FRS2: variants seen among roughly 807,000 people sequenced by gnomAD.
The protein encoded by FRS2 is fibroblast growth factor receptor substrate 2, also known as FGFR signalling adaptor.
A neutral mutation model predicts 43.9 loss-of-function variants in FRS2; 8 were observed. The ratio of observed to expected loss-of-function variants is 0.18; its 90% CI spans 0.11 to 0.33. FRS2 has a LOEUF of 0.33. Ranked by LOEUF, FRS2 falls within the 10% of genes least tolerant of loss-of-function variation. The pLI, the probability that FRS2 is intolerant of heterozygous loss-of-function variation, is 1.00. For missense variants in FRS2, 534 were observed against 627.6 expected, an observed-to-expected ratio of 0.85 and a Z score of 1.59; for synonymous variants, 219 against 220.3, an observed-to-expected ratio of 0.99 and a Z score of 0.05.
chr12:69,557,605 T>TGCGTGTGTGTGTGC (rs1474769396), intron 3 of FRS2, among the ~76,000 whole-genome samples: 183 of 124,982 alleles, frequency 1.5e-3, no homozygotes, highest in African/African-American at 5.8e-3. Context: ...TGTGTGTGTG[T>TGCGTGTGTGTGTGC]GTGTGTGTGT....
intron 1 of FRS2, among the ~76,000 whole-genome samples, chr12:69,506,633 ACTT>A (rs1482287409): frequency 6.6e-6 from 1 of 152,030 alleles, no homozygotes; most frequent in South Asian, 2.1e-4. Context: ...TTCGGTGTCT[ACTT>A]CTTCTTTCAA....
intron 1 of FRS2, among the ~76,000 whole-genome samples, chr12:69,503,691 T>C (rs1873669549): frequency 6.6e-6 from 1 of 152,166 alleles, no homozygotes; most frequent in Non-Finnish European, 1.5e-5. Flanking sequence ...TAGGAACTGC[T>C]GAAGTTGTGA....
intron 1 of FRS2, among the ~76,000 whole-genome samples, chr12:69,494,770 T>C (rs1872734271): frequency 6.6e-6 from 1 of 152,038 alleles, no homozygotes; most frequent in Non-Finnish European, 1.5e-5. Flanking sequence ...TGCTTCTAGA[T>C]TTTTGTTTTG....
intron 3 of FRS2, among the ~76,000 whole-genome samples, chr12:69,533,800 T>C (rs1290163554): frequency 6.6e-6 from 1 of 152,150 alleles, no homozygotes; most frequent in Admixed American, 6.5e-5. Context: ...AAATTATTTG[T>C]TTGTAGTGTG....
At chr12:69,505,605 A>G (rs1357074535) in intron 1 of FRS2, among the ~76,000 whole-genome samples, 1 of 152,228 alleles carries the variant, frequency 6.6e-6, no homozygotes, top group Admixed American at 6.5e-5. Flanking sequence ...ACATGGAACT[A>G]TGTTTCTGCC....
chr12:69,514,506 A>G (rs781083257), intron 1 of FRS2, among the ~76,000 whole-genome samples: 6 of 152,212 alleles, frequency 3.9e-5, no homozygotes, highest in Non-Finnish European at 7.3e-5. Context: ...TGTATGGGAC[A>G]TGTGGGAAAG....
chr12:69,485,669 T>C lies in FRS2; in HGVS notation c.-261+15139T>C, dbSNP rs570073046. On this transcript the variant is annotated intron_variant, in intron 1 of 8. Coordinates refer to ENST00000549921, the MANE Select transcript of FRS2 (RefSeq NM_001278356.2). ...GGCTAATCAAGATGAGGTTTCACCA[T>C]TTTGGCCAGGCTGGTCTGGAGCTCC... Among the ~76,000 whole-genome samples the C allele has an allele frequency of 5.5e-4, 84 of 151,734 alleles. 1 individual carries two copies. Among genetic ancestry groups the C allele is most frequent in the Middle Eastern group, 3.4e-3 (1 of 292 alleles).
intron 1 of FRS2, chr12:69,486,121 A>G (rs757134276): frequency 1.3e-5 from 2 of 152,120 alleles, no homozygotes; most frequent in Non-Finnish European, 2.9e-5. Context: ...AAGAGAGAAT[A>G]TAAGGCACTT....
intron 1 of FRS2, among the ~76,000 whole-genome samples, chr12:69,522,232 GTGTGTC>G (rs1360357895): frequency 1.2e-4 from 18 of 149,504 alleles, no homozygotes; most frequent in African/African-American, 3.7e-4. Context: ...GTGTGTGTGT[GTGTGTC>G]TCTGCCAGGT....
intron 3 of FRS2, among the ~76,000 whole-genome samples, chr12:69,543,552 C>G (rs1227693739): frequency 6.6e-6 from 1 of 152,050 alleles, no homozygotes; most frequent in Non-Finnish European, 1.5e-5. Flanking sequence ...GGTGGTAAGT[C>G]ATTTGGAGAA....
chr12:69,497,277 C>T (rs1205924826), intron 1 of FRS2, among the ~76,000 whole-genome samples: 1 of 152,162 alleles, frequency 6.6e-6, no homozygotes, highest in East Asian at 1.9e-4. Context: ...GCTTAGTGCT[C>T]TTAGTGTCTT....
At chr12:69,555,235 G>A (rs1310352302) in intron 3 of FRS2, among the ~76,000 whole-genome samples, 1 of 151,500 alleles carries the variant, frequency 6.6e-6, no homozygotes, top group Non-Finnish European at 1.5e-5. Context: ...AGTAGAGATG[G>A]GGGTTTCATC....
intron 3 of FRS2, among the ~76,000 whole-genome samples, chr12:69,544,792 T>C (rs2135715787): frequency 6.6e-6 from 1 of 152,250 alleles, no homozygotes; most frequent in African/African-American, 2.4e-5. Flanking sequence ...GTGAATGTCA[T>C]ATTCAGTGGT....
intron 3 of FRS2, among the ~76,000 whole-genome samples, chr12:69,539,942 G>C (rs986062687): frequency 2.6e-5 from 4 of 151,252 alleles, no homozygotes; most frequent in Non-Finnish European, 5.9e-5. Flanking sequence ...GCGACAGTGC[G>C]GGACTCCGTC....
intron 3 of FRS2, among the ~76,000 whole-genome samples, chr12:69,550,979 A>G (rs1279048577): frequency 1.3e-5 from 2 of 152,256 alleles, no homozygotes; most frequent in African/African-American, 2.4e-5. Flanking sequence ...GTATGACGGA[A>G]TAAAACATCT....
chr12:69,518,661 C>T (rs1230581757), intron 1 of FRS2, among the ~76,000 whole-genome samples: 1 of 150,086 alleles, frequency 6.7e-6, no homozygotes, highest in Non-Finnish European at 1.5e-5. Context: ...CTGCAGTGAG[C>T]AGAGATGGCG....
In FRS2 at chr12:69,524,530, G is replaced by C. The variant is rs570959686; in HGVS notation, c.-260-6335G>C. Among the ~76,000 whole-genome samples the C allele has an allele frequency of 9.5e-4, 144 of 152,030 alleles. 1 individual carries two copies. Among genetic ancestry groups the C allele is most frequent in the Non-Finnish European group, 1.5e-3 (105 of 67,940 alleles). On this transcript the variant is annotated intron_variant, in intron 1 of 8. Coordinates refer to ENST00000549921, the MANE Select transcript of FRS2 (RefSeq NM_001278356.2). ...CCAGGAGGTACCTGGGGGCTGCACT[G>C]CATGCAGGTGTGGCCAGGGTGGGAC...
At chr12:69,563,361 C>CT (rs1259173755) in intron 4 of FRS2, among the ~76,000 whole-genome samples, 2 of 152,198 alleles carry the variant, frequency 1.3e-5, no homozygotes, top group Non-Finnish European at 2.9e-5. Context: ...CCAGCTGTGT[C>CT]TATCCCTCAC....
chr12:69,574,487 A>G lies in FRS2; in HGVS notation c.1059A>G (p.Pro353=), dbSNP rs1881035218. ...RTALLNYENL[P]SLPPVWEARK... is the part of the protein sequence containing the mutation. Reference sequence around the variant, plus strand: ...CATTATTAAACTATGAAAATCTACCATCTTTGCCTCCTGTTTGGGAAGCCC... The same window carrying G: ...CATTATTAAACTATGAAAATCTACCGTCTTTGCCTCCTGTTTGGGAAGCCC... Residue 353 remains proline (P), a synonymous_variant, in exon 9 of 9, where the codon CCA becomes CCG. Coordinates refer to ENST00000549921, the MANE Select transcript of FRS2 (RefSeq NM_001278356.2). 16 of 1,613,960 alleles carry G rather than the reference A, an allele frequency of 9.9e-6. No homozygotes were observed. The highest frequency in any genetic ancestry group is 1.3e-5 in the African/African-American group (1 of 74,906).
Sources: gnomAD v4.1 joint callset for allele counts (sites outside exome capture counted in the v4.1 genomes callset) on GRCh38, gnomAD v4.1.1 for gene constraint, MANE v1.5 for transcripts, NCBI Gene and HGNC (gene_info 2026-07-23, HGNC 2026-07-21) for gene names.